Variants in COLEC12 observed in about 807,000 individuals in gnomAD.
COLEC12 encodes the protein collectin subfamily member 12, also known as collectin-12.
Under a neutral mutation model 71.1 loss-of-function variants are expected in COLEC12, and 33 were observed. The observed-to-expected ratio is 0.46, with a 90% confidence interval of 0.35 to 0.62. COLEC12 has a LOEUF of 0.62. COLEC12 is among the 20% of genes least tolerant of loss of function. The pLI, the probability that COLEC12 is intolerant of heterozygous loss-of-function variation, is 0.00. For synonymous variants in COLEC12, 350 were observed against 353.0 expected (o/e 0.99, Z 0.10); for missense variants, 765 against 916.1 (o/e 0.84, Z 2.13).
In COLEC12 at chr18:444,766, C is replaced by T. The variant is rs116741878; in HGVS notation, c.58+35941G>A. 2.9e-3 allele frequency among the ~76,000 whole-genome samples: 449 copies of T among 152,230 alleles called. 2 individuals are homozygous for T. Among genetic ancestry groups the T allele is most frequent in the African/African-American group, 1.0e-2 (414 of 41,546 alleles). On this transcript the variant is annotated intron_variant, in intron 2 of 9. Transcript: ENST00000400256. ...TGTATCTGCAAACAAATGGGATTGA[C>T]GTGATATTTCCATATTATCTTAAGG...
chr18:397,563 G>C (rs1050036553), intron 2 of COLEC12, among the ~76,000 whole-genome samples: 1 of 152,136 alleles, frequency 6.6e-6, no homozygotes, highest in Non-Finnish European at 1.5e-5. Context: ...TTCTTGTAAT[G>C]GTGTCTGGCA....
intron 1 of COLEC12, among the ~76,000 whole-genome samples, chr18:495,787 G>A (rs188121467): frequency 6.6e-6 from 1 of 152,274 alleles, no homozygotes; most frequent in Non-Finnish European, 1.5e-5. Flanking sequence ...AGGGAGCCTG[G>A]GCTAGAGATT....
At chr18:326,379 G>A (rs550589719) in intron 8 of COLEC12, among the ~76,000 whole-genome samples, 22 of 152,040 alleles carry the variant, frequency 1.4e-4, no homozygotes, top group Non-Finnish European at 3.1e-4. Context: ...ATGGAGTCTC[G>A]CTCTGTCACC....
intron 2 of COLEC12, among the ~76,000 whole-genome samples, chr18:467,771 C>A (rs530402410): frequency 2.6e-5 from 4 of 152,104 alleles, no homozygotes; most frequent in African/African-American, 9.7e-5. Context: ...TAGAGTTATA[C>A]GAAAACAACT....
At chr18:419,350 C>T (rs1269848803) in intron 2 of COLEC12, among the ~76,000 whole-genome samples, 6 of 152,088 alleles carry the variant, frequency 3.9e-5, no homozygotes, top group African/African-American at 7.2e-5. Flanking sequence ...GGACTACAGG[C>T]GCATGCCACC....
At chr18:340,009 G>C (rs1314970184) in intron 5 of COLEC12, among the ~76,000 whole-genome samples, 1 of 145,094 alleles carries the variant, frequency 6.9e-6, no homozygotes, top group East Asian at 2.0e-4. Flanking sequence ...TTATTGGGCA[G>C]CTGTCAAGGT....
chr18:359,300 T>A (rs1019518549), intron 2 of COLEC12, among the ~76,000 whole-genome samples: 19 of 152,126 alleles, frequency 1.2e-4, no homozygotes, highest in Non-Finnish European at 1.3e-4. Flanking sequence ...TGGCCCCCAT[T>A]CCCTGGCCGC....
In COLEC12 at chr18:402,667, C is replaced by T. The variant is rs565250721; in HGVS notation, c.59-45145G>A. Among the ~76,000 whole-genome samples the T allele has an allele frequency of 3.9e-5, 6 of 151,974 alleles. No homozygotes were observed. The South Asian group carries it at 8.3e-4, about 21-fold the overall frequency. ...ACCTTCACCTAACAAAAGGTCTTTG[C>T]AGTAGCTGAATTAGAGTTATCGCTA... is the stretch of plus-strand genomic sequence containing the variant. On this transcript the variant is annotated intron_variant, in intron 2 of 9. Coordinates refer to ENST00000400256, the MANE Select transcript of COLEC12 (RefSeq NM_130386.3).
At chr18:404,151 T>C (rs186751003) in intron 2 of COLEC12, among the ~76,000 whole-genome samples, 139 of 152,354 alleles carry the variant, frequency 9.1e-4, no homozygotes, top group African/African-American at 2.9e-3. Context: ...TGAACTTCAG[T>C]GACTTCTTTT....
chr18:471,040 T>C (rs1192511412), intron 2 of COLEC12, among the ~76,000 whole-genome samples: 1 of 152,222 alleles, frequency 6.6e-6, no homozygotes, highest in African/African-American at 2.4e-5. Flanking sequence ...TTTGATTCTC[T>C]TGTTTTCCTG....
chr18:453,466 A>G (rs1371289975), intron 2 of COLEC12, among the ~76,000 whole-genome samples: 1 of 152,208 alleles, frequency 6.6e-6, no homozygotes, highest in Non-Finnish European at 1.5e-5. Flanking sequence ...AGAGACACAG[A>G]GACAGAGACA....
Position 426,486 on chromosome 18 carries a change from C to T in COLEC12, c.58+54221G>A, listed in dbSNP as rs372487962. On this transcript the variant is annotated intron_variant, in intron 2 of 9. Transcript: ENST00000400256. ...GTGCAGTGGAAGCGCAGTTGCTTTC[C>T]CTCCCTTTCTATGGAAGAAGCCAGT... is the stretch of plus-strand genomic sequence containing the variant. Among the ~76,000 whole-genome samples, 4 of 152,066 alleles carry T rather than the reference C, an allele frequency of 2.6e-5. No homozygotes were observed. In the South Asian group the frequency reaches 6.2e-4, roughly 24 times the overall value.
chr18:365,759 T>C (rs623326), intron 2 of COLEC12, among the ~76,000 whole-genome samples: 100,850 of 151,790 alleles, frequency 0.66, 34,330 homozygotes, highest in African/African-American at 0.78. Flanking sequence ...TCCTTGACCC[T>C]GTGGTTCAGG....
Position 354,241 on chromosome 18 carries a change from T to C in COLEC12, c.181+3159A>G, listed in dbSNP as rs939312043. ...TACCAAGCTCAACTGTCCAAGAACA[T>C]GTTTTCTGCAAAGTGGCTGATACGC... is the stretch of plus-strand genomic sequence containing the variant. On this transcript the variant is annotated intron_variant, in intron 3 of 9. Transcript: ENST00000400256. Among the ~76,000 whole-genome samples, 9 of 152,294 alleles carry C rather than the reference T, an allele frequency of 5.9e-5. 1 individual carries two copies. Among genetic ancestry groups the C allele is most frequent in the East Asian group, 5.8e-4 (3 of 5,178 alleles).
rs1470373246 is a variant in COLEC12 at position 347,287 on chromosome 18, C to G, written c.335G>C (p.Arg112Thr). The G allele has an allele frequency of 1.2e-6, 2 of 1,614,108 alleles. No homozygotes were observed. The highest frequency in any genetic ancestry group is 2.7e-5 in the African/African-American group (2 of 74,992). Residue 112 changes from arginine to threonine, a missense_variant, in exon 5 of 10, where the codon AGA becomes ACA. By Grantham distance (71) the Arg-to-Thr change is moderately conservative (BLOSUM62 -1). Transcript: ENST00000400256. The stretch of plus-strand genomic sequence containing the variant: ...CTGACGGAGATCTAGAATGTCTGAT[C>G]TGAAGGTGGAGAGTTCTGAGTTGGT... ...ISTNSELSTFRSDILDLRQQL... is the reference protein window; with the variant it reads ...ISTNSELSTFTSDILDLRQQL...
At chr18:469,130 C>G (rs1336737944) in intron 2 of COLEC12, among the ~76,000 whole-genome samples, 1 of 152,266 alleles carries the variant, frequency 6.6e-6, no homozygotes, top group African/African-American at 2.4e-5. Context: ...AAAGGGACTT[C>G]ATACAAGTTC....
chr18:380,340 T>C (rs1915203264), intron 2 of COLEC12, among the ~76,000 whole-genome samples: 1 of 152,158 alleles, frequency 6.6e-6, no homozygotes. Context: ...CCTGGCTAAA[T>C]TGTACTCTTC....
rs565031670 is a variant in COLEC12, at chr18:319,725, T to C, written c.*320A>G. On this transcript the variant is annotated 3_prime_UTR_variant, in exon 10 of 10. Transcript: ENST00000400256. ...GTTCTTCCCATAACTCAACGACCAA[T>C]GATAACCTTTTTCTGATTGGAGTGT... 41 of 362,956 alleles carry C rather than the reference T, an allele frequency of 1.1e-4. No individual in the cohort carries two copies. Among genetic ancestry groups the C allele is most frequent in the African/African-American group, 8.3e-4 (38 of 45,970 alleles). The allele number at this position is 362,956 out of a possible 1,614,324, so 22.5% of individuals were successfully genotyped here.
chr18:352,313 C>T (rs1466309617), intron 3 of COLEC12, among the ~76,000 whole-genome samples: 1 of 152,174 alleles, frequency 6.6e-6, no homozygotes, highest in Non-Finnish European at 1.5e-5. Context: ...GGTCTGTCCT[C>T]AAACCACATG....
Sources: gnomAD v4.1 joint callset for allele counts (sites outside exome capture counted in the v4.1 genomes callset) on GRCh38, gnomAD v4.1.1 for gene constraint, MANE v1.5 for transcripts, NCBI Gene and HGNC (gene_info 2026-07-23, HGNC 2026-07-21) for gene names.